The following BEND7 variants were observed in gnomAD, a reference collection of about 807,000 sequenced individuals.
The protein encoded by BEND7 is BEN domain-containing protein 7.
Under a neutral mutation model 50.9 loss-of-function variants are expected in BEND7, and 28 were observed. That is an observed-to-expected ratio of 0.55 (90% CI 0.41 to 0.75). BEND7 has a LOEUF of 0.75. BEND7 is among the 30% of genes least tolerant of loss of function. The pLI, the probability that BEND7 is intolerant of heterozygous loss-of-function variation, is 0.00. For missense variants in BEND7, 477 were observed against 491.3 expected (o/e 0.97, Z 0.28); for synonymous variants, 170 against 183.9 (o/e 0.92, Z 0.61).
At chr10:13,497,064 G>T in intron 3 of BEND7, 176 bp from the exon 4 acceptor site, 1 of 769,570 alleles carries the variant, frequency 1.3e-6, no homozygotes, top group Non-Finnish European at 1.9e-6. Context: ...CTAAATCTGG[G>T]GGTCTGACTT....
At chr10:13,508,565 T>C (rs978825980) in intron 2 of BEND7, among the ~76,000 whole-genome samples, 3 of 152,134 alleles carry the variant, frequency 2.0e-5, no homozygotes, top group Non-Finnish European at 2.9e-5. Flanking sequence ...TAGACACAAA[T>C]ATATCTCCAC....
chr10:13,492,850 GA>G lies in BEND7; in HGVS notation c.597del (p.Pro200GlnfsTer32). 5.6e-6 allele frequency: 9 copies of G among 1,604,128 alleles called. No homozygotes were observed. The highest frequency in any genetic ancestry group is 1.7e-4 in the Middle Eastern group (1 of 6,032). ...QAVGTQNRQQ[P>X]PISLICSQRT... Reference sequence around the variant, plus strand: ...CGCTGGGAGCATATAAGGGAAATTGGAGGTTGTTGTCTGTTTTGAGTTCCAA... The same window carrying G: ...CGCTGGGAGCATATAAGGGAAATTGGGGTTGTTGTCTGTTTTGAGTTCCAA... On this transcript the variant is annotated frameshift_variant, in exon 5 of 9. Transcript: ENST00000466271. LOFTEE classifies it high-confidence loss of function.
chr10:13,507,252 C>T (rs186091957), intron 2 of BEND7, among the ~76,000 whole-genome samples: 3 of 152,198 alleles, frequency 2.0e-5, no homozygotes, highest in Non-Finnish European at 4.4e-5. Flanking sequence ...CAAACCTATC[C>T]CTCCAGAATT....
intron 6 of BEND7, among the ~76,000 whole-genome samples, chr10:13,466,653 G>C (rs906659790): frequency 1.4e-4 from 22 of 152,136 alleles, no homozygotes; most frequent in African/African-American, 5.1e-4. Flanking sequence ...ATCGAATGCT[G>C]AGGCTCAAGC....
At chr10:13,526,960 T>C (rs1443647422) in intron 1 of BEND7, among the ~76,000 whole-genome samples, 1 of 152,240 alleles carries the variant, frequency 6.6e-6, no homozygotes, top group Non-Finnish European at 1.5e-5. Context: ...TACTGCATTT[T>C]TGCTTCTATT....
intron 2 of BEND7, among the ~76,000 whole-genome samples, chr10:13,513,929 C>G (rs866229976): frequency 2.0e-5 from 3 of 152,216 alleles, no homozygotes; most frequent in South Asian, 4.2e-4. Flanking sequence ...TAAAAGTGCC[C>G]GGGACTCTAT....
chr10:13,499,218 GAAAATTTT>G (rs2077259506), intron 3 of BEND7, among the ~76,000 whole-genome samples: 1 of 152,144 alleles, frequency 6.6e-6, no homozygotes, highest in Non-Finnish European at 1.5e-5. Context: ...CTTAAATTAA[GAAAATTTT>G]ACTTTAAAGG....
chr10:13,501,747 G>A (rs1257030174), intron 2 of BEND7, among the ~76,000 whole-genome samples: 2 of 152,018 alleles, frequency 1.3e-5, no homozygotes, highest in Admixed American at 6.6e-5. Context: ...CTTGGAGGCT[G>A]AGGTGGAAGG....
chr10:13,490,864 T>C (rs1054472228), intron 5 of BEND7, among the ~76,000 whole-genome samples: 7 of 152,042 alleles, frequency 4.6e-5, no homozygotes, highest in Middle Eastern at 3.2e-3. Context: ...AGTGCAGTGG[T>C]GTAATCTCGG....
intron 2 of BEND7, among the ~76,000 whole-genome samples, chr10:13,519,471 G>A (rs748514640): frequency 3.4e-4 from 49 of 143,512 alleles, no homozygotes; most frequent in South Asian, 2.3e-4. Context: ...GCGAGACTCC[G>A]TCTCAAAAAA....
intron 5 of BEND7, among the ~76,000 whole-genome samples, chr10:13,487,532 A>G (rs2076317251): frequency 6.6e-6 from 1 of 151,768 alleles, no homozygotes; most frequent in Admixed American, 6.6e-5. Context: ...GATTACAGGC[A>G]TGCGCCACCA....
In BEND7 at chr10:13,492,712, C is replaced by T. The variant is rs1464158786; in HGVS notation, c.736G>A (p.Val246Met). 4 of 1,614,064 alleles carry T rather than the reference C, an allele frequency of 2.5e-6. No homozygotes were observed. Among genetic ancestry groups the T allele is most frequent in the Non-Finnish European group, 3.4e-6 (4 of 1,180,036 alleles). The change falls in exon 5 of 9, where the codon GTG becomes ATG. Residue 246 changes from valine (V) to methionine (M), a missense_variant. By Grantham distance (21) the Val-to-Met change is conservative. Around this residue, in one of 3 missense-constraint regions of BEND7, gnomAD observed 396 missense variants for 384.2 expected, o/e 1.03. Coordinates refer to ENST00000466271, the MANE Select transcript of BEND7 (RefSeq NM_001369863.1). ...SGSEMEKKSV[V>M]ASELSALQAA... Reference sequence around the variant, plus strand: ...TGGAGAGCAGATAGCTCAGAGGCCACCACCGACTTTTTCTCCATCTCTGAC... The same window carrying T: ...TGGAGAGCAGATAGCTCAGAGGCCATCACCGACTTTTTCTCCATCTCTGAC...
At position 13,499,718 on chromosome 10, in the gene BEND7, T is replaced by C. The variant is rs752429951; in HGVS notation, c.448+60A>G. On this transcript the variant is annotated intron_variant, in intron 3 of 8. Coordinates refer to ENST00000466271, the MANE Select transcript of BEND7 (RefSeq NM_001369863.1). ...AATTGAACTCAACACACTGAATATTTAGAAATAGAACAGTACAAACCCCCA... is the reference window on the plus strand; with the variant it reads ...AATTGAACTCAACACACTGAATATTCAGAAATAGAACAGTACAAACCCCCA... The C allele has an allele frequency of 1.3e-5, 13 of 1,012,830 alleles. No homozygotes were observed. The South Asian group carries it at 1.9e-4, about 15-fold the overall frequency. 62.7% of individuals were successfully genotyped at this position (1,012,830 alleles called of 1,614,324 possible). A position where few individuals can be genotyped will look rare whatever the true frequency, so the allele number is the denominator to read the frequency against.
rs144904378 is a variant in BEND7 at position 13,473,592 on chromosome 10, C to T, written c.1063+7307G>A. On this transcript the variant is annotated intron_variant, in intron 6 of 8. Coordinates refer to ENST00000466271, the MANE Select transcript of BEND7 (RefSeq NM_001369863.1). ...CCAATATTGTCATCGCTGTTAGACTCGGGGCCAATACCTGTCATCGCTGTT... is the reference window on the plus strand; with the variant it reads ...CCAATATTGTCATCGCTGTTAGACTTGGGGCCAATACCTGTCATCGCTGTT... 5.6e-4 allele frequency among the ~76,000 whole-genome samples: 78 copies of T among 138,164 alleles called. 1 individual carries two copies. The South Asian group carries it at 0.011, about 20-fold the overall frequency. The allele number at this position is 138,164 out of a possible 152,430, so 90.6% of individuals were successfully genotyped here.
intron 6 of BEND7, among the ~76,000 whole-genome samples, chr10:13,472,526 G>A (rs143465271): frequency 4.0e-5 from 6 of 151,484 alleles, no homozygotes; most frequent in African/African-American, 1.2e-4. Context: ...ACTTGGGGCT[G>A]GTACCCGTCA....
rs1013582843 is a variant in BEND7, at chr10:13,462,069, G to A, written c.1064-9411C>T. On this transcript the variant is annotated intron_variant, in intron 6 of 8. Transcript: ENST00000466271. ...CTTGTGGATGGCAATGGACAGCAAA[G>A]TAAGTGTGCTTAAAATGAGCAAGGA... is the stretch of plus-strand genomic sequence containing the variant. 2.6e-5 allele frequency among the ~76,000 whole-genome samples: 4 copies of A among 152,230 alleles called. No homozygotes were observed. The East Asian group carries it at 7.7e-4, about 29-fold the overall frequency.
intron 2 of BEND7, among the ~76,000 whole-genome samples, chr10:13,501,515 G>A (rs577648173): frequency 2.1e-4 from 32 of 152,080 alleles, no homozygotes; most frequent in Middle Eastern, 6.8e-3. Context: ...TAAAGATGAA[G>A]AGAAATGAAT....
intron 6 of BEND7, among the ~76,000 whole-genome samples, chr10:13,456,386 C>T (rs1023179542): frequency 1.3e-5 from 2 of 152,174 alleles, no homozygotes; most frequent in African/African-American, 4.8e-5. Flanking sequence ...TGAGGTCCAT[C>T]CACTACATAG....
intron 2 of BEND7, among the ~76,000 whole-genome samples, chr10:13,515,804 T>A (rs1415427681): frequency 6.6e-6 from 1 of 152,178 alleles, no homozygotes; most frequent in Non-Finnish European, 1.5e-5. Flanking sequence ...TAAAGTCAAA[T>A]TGCCTTCAGG....
Sources: gnomAD v4.1 joint callset for allele counts (sites outside exome capture counted in the v4.1 genomes callset) on GRCh38, gnomAD v4.1.1 for gene constraint, gnomAD v4.1.1 regional missense constraint, MANE v1.5 for transcripts, NCBI Gene and HGNC (gene_info 2026-07-23, HGNC 2026-07-21) for gene names.